NME7: variants seen among roughly 807,000 people sequenced by gnomAD.
NME7 encodes nucleoside diphosphate kinase 7.
Under a neutral mutation model 49.1 loss-of-function variants are expected in NME7, and 41 were observed. That is an observed-to-expected ratio of 0.83 (90% CI 0.65 to 1.08). NME7 has a LOEUF of 1.08. Ranked by LOEUF, NME7 falls within the 50% of genes least tolerant of loss-of-function variation. The pLI, the probability that NME7 is intolerant of heterozygous loss-of-function variation, is 0.00. For missense variants in NME7, 423 were observed against 463.4 expected, an observed-to-expected ratio of 0.91 and a Z score of 0.80; for synonymous variants, 139 against 150.6, an observed-to-expected ratio of 0.92 and a Z score of 0.56.
rs115455036 is a variant in NME7, at chr1:169,237,588, C to T, written c.819+35G>A. ...TTTATAACTATTTTTGAAAAAAATC[C>T]TCACAAATATTATGGTTCATTGTAA... is the stretch of plus-strand genomic sequence containing the variant. On this transcript the variant is annotated intron_variant, in intron 8 of 11. Coordinates refer to ENST00000367811, the MANE Select transcript of NME7 (RefSeq NM_013330.5). The T allele has an allele frequency of 1.3e-3, 2,027 of 1,514,006 alleles. 22 individuals carry two copies. The African/African-American group carries it at 0.023, about 17-fold the overall frequency. 93.8% of individuals were successfully genotyped at this position (1,514,006 alleles called of 1,614,324 possible). A position where few individuals can be genotyped will look rare whatever the true frequency, so the allele number is the denominator to read the frequency against.
chr1:169,244,857 G>A (rs549940109), intron 7 of NME7, among the ~76,000 whole-genome samples: 5 of 151,970 alleles, frequency 3.3e-5, no homozygotes, highest in Non-Finnish European at 5.9e-5. Flanking sequence ...ACCTGGGTGC[G>A]GTGGCTCATG....
intron 7 of NME7, among the ~76,000 whole-genome samples, chr1:169,257,580 G>T (rs1190823281): frequency 7.5e-6 from 1 of 133,832 alleles, no homozygotes; most frequent in East Asian, 2.0e-4. Flanking sequence ...CGGCCATCTT[G>T]GCTCCTCCCC....
chr1:169,139,023 C>A (rs903789087), intron 11 of NME7, among the ~76,000 whole-genome samples: 3 of 152,164 alleles, frequency 2.0e-5, no homozygotes, highest in Non-Finnish European at 2.9e-5. Context: ...TCTCCCCAGT[C>A]TCTCAAAATA....
At chr1:169,283,686 A>C (rs1308635776) in intron 7 of NME7, 1 of 152,096 alleles carries the variant, frequency 6.6e-6, no homozygotes, top group Non-Finnish European at 1.5e-5. Flanking sequence ...AAAGGATTTT[A>C]TTTCTCCTTC....
intron 1 of NME7, among the ~76,000 whole-genome samples, chr1:169,344,654 A>G (rs1652896644): frequency 6.6e-6 from 1 of 151,916 alleles, no homozygotes; most frequent in African/African-American, 2.4e-5. Context: ...TTATTTCACT[A>G]TTTTTTGTGT....
intron 10 of NME7, among the ~76,000 whole-genome samples, chr1:169,195,782 C>T (rs1351854178): frequency 6.6e-6 from 1 of 152,174 alleles, no homozygotes; most frequent in Non-Finnish European, 1.5e-5. Context: ...ATGTACCAGA[C>T]ACTTTTCTGA....
intron 1 of NME7, among the ~76,000 whole-genome samples, chr1:169,361,774 T>G (rs1237551570): frequency 6.9e-6 from 1 of 145,046 alleles, no homozygotes; most frequent in Non-Finnish European, 1.5e-5. Flanking sequence ...AGAACAAAAC[T>G]CTGTCTAAAA....
chr1:169,193,638 G>A (rs1441261782), intron 10 of NME7, among the ~76,000 whole-genome samples: 2 of 152,176 alleles, frequency 1.3e-5, no homozygotes, highest in Non-Finnish European at 2.9e-5. Flanking sequence ...ATAAGGCCTG[G>A]CACATGTTGC....
chr1:169,215,919 G>A (rs1660960405), intron 10 of NME7, among the ~76,000 whole-genome samples: 1 of 152,224 alleles, frequency 6.6e-6, no homozygotes, highest in South Asian at 2.1e-4. Context: ...GAAATTGAGA[G>A]TAGAATAGTA....
At chr1:169,282,065 A>C (rs1376018031) in intron 7 of NME7, among the ~76,000 whole-genome samples, 1 of 152,146 alleles carries the variant, frequency 6.6e-6, no homozygotes, top group Non-Finnish European at 1.5e-5. Flanking sequence ...TTGGCTGTGA[A>C]TCTGTCTGGT....
chr1:169,230,281 G>A (rs1352360438), intron 10 of NME7, among the ~76,000 whole-genome samples: 1 of 151,950 alleles, frequency 6.6e-6, no homozygotes, highest in African/African-American at 2.4e-5. Flanking sequence ...AAACTGAAAG[G>A]TATACTAGTG....
chr1:169,213,759 C>G (rs1337163113), intron 10 of NME7, among the ~76,000 whole-genome samples: 1 of 151,520 alleles, frequency 6.6e-6, no homozygotes, highest in Non-Finnish European at 1.5e-5. Context: ...CCATCCTGGT[C>G]AGACAGCAGT....
intron 10 of NME7, among the ~76,000 whole-genome samples, chr1:169,184,603 T>C (rs572970956): frequency 6.6e-6 from 1 of 152,318 alleles, no homozygotes; most frequent in Non-Finnish European, 1.5e-5. Flanking sequence ...CCAAAATCAA[T>C]TGGTCATTAC....
At chr1:169,148,657 A>G (rs1279910870) in intron 11 of NME7, among the ~76,000 whole-genome samples, 1 of 152,240 alleles carries the variant, frequency 6.6e-6, no homozygotes, top group Admixed American at 6.5e-5. Flanking sequence ...GGCAGGGAGC[A>G]GACCAAAGTC....
At chr1:169,238,178 AGG>A in intron 7 of NME7, among the ~76,000 whole-genome samples, 1 of 152,122 alleles carries the variant, frequency 6.6e-6, no homozygotes, top group African/African-American at 2.4e-5. Flanking sequence ...GGGCTTATAC[AGG>A]GATAGGAGAG....
chr1:169,361,980 A>T (rs1459193680), intron 1 of NME7, among the ~76,000 whole-genome samples: 1 of 151,858 alleles, frequency 6.6e-6, no homozygotes, highest in African/African-American at 2.4e-5. Flanking sequence ...AGCCGAGGCA[A>T]GTGGATCACT....
At chr1:169,211,043 A>G (rs1410213443) in intron 10 of NME7, among the ~76,000 whole-genome samples, 1 of 151,746 alleles carries the variant, frequency 6.6e-6, no homozygotes, top group Admixed American at 6.6e-5. Context: ...CCAGATCATT[A>G]GTTCTTTCAG....
intron 7 of NME7, chr1:169,285,468 A>T (rs1385875483): frequency 6.6e-6 from 1 of 152,160 alleles, no homozygotes; most frequent in Non-Finnish European, 1.5e-5. Context: ...TTCCTATGGA[A>T]TTGTTACTAA....
At chr1:169,324,337 A>G (rs145122872) in intron 2 of NME7, 56 bp downstream of exon 2, 45 of 1,077,986 alleles carry the variant, frequency 4.2e-5, no homozygotes, top group Admixed American at 1.5e-4. Flanking sequence ...ATAAAAGGCA[A>G]TGGTTCCCAT....
Sources: gnomAD v4.1 joint callset for allele counts (sites outside exome capture counted in the v4.1 genomes callset) on GRCh38, gnomAD v4.1.1 for gene constraint, MANE v1.5 for transcripts, NCBI Gene and HGNC (gene_info 2026-07-23, HGNC 2026-07-21) for gene names.